DSCAML1: variants seen among roughly 807,000 people sequenced by gnomAD.
DSCAML1 encodes cell adhesion molecule DSCAML1.
In DSCAML1, 38 loss-of-function variants were observed where a neutral mutation model predicts 200.5. The ratio of observed to expected loss-of-function variants is 0.19; its 90% CI spans 0.15 to 0.25. The LOEUF is 0.25. Among genes scored for constraint, DSCAML1 ranks in the 10% least tolerant of loss-of-function variants. The pLI is 1.00. For synonymous variants in DSCAML1, 1,215 were observed against 1,165.0 expected (o/e 1.04, Z -0.87); for missense variants, 2,223 against 2,858.8 (o/e 0.78, Z 5.07).
At chr11:117,759,559 G>A (rs542806365) in intron 3 of DSCAML1, among the ~76,000 whole-genome samples, 48 of 152,190 alleles carry the variant, frequency 3.2e-4, no homozygotes, top group African/African-American at 1.2e-3. Context: ...AATGTGAGCT[G>A]GAGTTGGGAG....
intron 3 of DSCAML1, among the ~76,000 whole-genome samples, chr11:117,556,469 C>T (rs1218624543): frequency 1.3e-5 from 2 of 149,958 alleles, no homozygotes; most frequent in Non-Finnish European, 3.0e-5. Flanking sequence ...TTTCCTTTCT[C>T]GACTCACAGG....
At chr11:117,702,111 C>A (rs566482117) in intron 3 of DSCAML1, among the ~76,000 whole-genome samples, 89 of 152,338 alleles carry the variant, frequency 5.8e-4, no homozygotes, top group African/African-American at 1.9e-3. Flanking sequence ...CCCTGCGTGG[C>A]TCCCCAGTCC....
intron 3 of DSCAML1, chr11:117,610,963 C>G (rs571040646): frequency 1.3e-5 from 2 of 151,812 alleles, no homozygotes; most frequent in Non-Finnish European, 2.9e-5. Context: ...ACATTCCCAG[C>G]GTTTCTATAT....
intron 3 of DSCAML1, among the ~76,000 whole-genome samples, chr11:117,566,187 T>C (rs1032197744): frequency 6.6e-6 from 1 of 152,196 alleles, no homozygotes; most frequent in Non-Finnish European, 1.5e-5. Flanking sequence ...TAGAGTGACT[T>C]GTACAAAATT....
At chr11:117,805,910 C>T (rs2055704061) in intron 1 of DSCAML1, among the ~76,000 whole-genome samples, 1 of 152,188 alleles carries the variant, frequency 6.6e-6, no homozygotes, top group Non-Finnish European at 1.5e-5. Context: ...GGAGCATCTC[C>T]TGCAAGTGCC....
intron 3 of DSCAML1, among the ~76,000 whole-genome samples, chr11:117,641,161 T>C (rs1445697213): frequency 6.6e-6 from 1 of 152,200 alleles, no homozygotes; most frequent in East Asian, 1.9e-4. Context: ...CCAAGTACGC[T>C]GGGTCTGATC....
intron 3 of DSCAML1, among the ~76,000 whole-genome samples, chr11:117,707,396 T>G (rs905065037): frequency 5.9e-5 from 9 of 152,220 alleles, no homozygotes; most frequent in African/African-American, 1.9e-4. Flanking sequence ...CTCTCCTCTC[T>G]GCTCCTCCAT....
At chr11:117,525,357 C>G (rs2049959462) in intron 4 of DSCAML1, among the ~76,000 whole-genome samples, 1 of 151,986 alleles carries the variant, frequency 6.6e-6, no homozygotes, top group Non-Finnish European at 1.5e-5. Flanking sequence ...GAGTGACAGA[C>G]AGAGAGACAG....
chr11:117,437,530 C>T lies in DSCAML1; in HGVS notation c.4433-121G>A. ...GGATGGCAGTGGCTCCAGGAGAATA[C>T]ATGTTTGGCACAGATGGGGTGGGGA... On this transcript the variant is annotated intron_variant, in intron 25 of 32. Transcript: ENST00000651296. This position sits in a 1 kb window ranked among gnomAD's most constrained non-coding sequence, Gnocchi z 5.3. The T allele has an allele frequency of 2.4e-6, 3 of 1,231,988 alleles. No individual in the cohort carries two copies. In the South Asian group the frequency reaches 4.4e-5, roughly 18 times the overall value. The allele number at this position is 1,231,988 out of a possible 1,614,324, so 76.3% of individuals were successfully genotyped here.
At chr11:117,808,658 G>A (rs1416987474) in intron 1 of DSCAML1, among the ~76,000 whole-genome samples, 2 of 152,184 alleles carry the variant, frequency 1.3e-5, no homozygotes, top group Non-Finnish European at 1.5e-5. Flanking sequence ...GAAGGTTTAT[G>A]TTCTGTAGTT....
chr11:117,682,999 T>G (rs1340871540), intron 3 of DSCAML1, among the ~76,000 whole-genome samples: 1 of 152,228 alleles, frequency 6.6e-6, no homozygotes, highest in African/African-American at 2.4e-5. Context: ...CCTCTGCTCC[T>G]CCACAGAGGA....
chr11:117,500,014 AT>A (rs1322957963), intron 11 of DSCAML1, among the ~76,000 whole-genome samples: 14 of 152,148 alleles, frequency 9.2e-5, no homozygotes, highest in African/African-American at 3.4e-4. Flanking sequence ...AGCATCTCAC[AT>A]TTCATTCTCC....
chr11:117,781,478 A>G (rs1364938011), intron 1 of DSCAML1, among the ~76,000 whole-genome samples: 1 of 152,216 alleles, frequency 6.6e-6, no homozygotes, highest in Non-Finnish European at 1.5e-5. Context: ...TCTCAAAACC[A>G]TGCTCTGAGA....
intron 3 of DSCAML1, among the ~76,000 whole-genome samples, chr11:117,537,449 G>C (rs1025805492): frequency 6.6e-6 from 1 of 152,180 alleles, no homozygotes; most frequent in African/African-American, 2.4e-5. Context: ...AGGGGGGCTG[G>C]GCCACCAGGG....
chr11:117,777,556 G>A (rs1026204130), intron 2 of DSCAML1, among the ~76,000 whole-genome samples: 1 of 152,194 alleles, frequency 6.6e-6, no homozygotes, highest in Non-Finnish European at 1.5e-5. Flanking sequence ...TTGGGACTAC[G>A]ATTGTCTCTG....
chr11:117,794,124 A>C (rs981577548), intron 1 of DSCAML1, among the ~76,000 whole-genome samples: 5 of 149,594 alleles, frequency 3.3e-5, no homozygotes, highest in Non-Finnish European at 5.9e-5. Context: ...TCTTCCCAAG[A>C]GAGAAGAACC....
At chr11:117,456,671 CT>C (rs10661996) in intron 19 of DSCAML1, among the ~76,000 whole-genome samples, 4 of 142,126 alleles carry the variant, frequency 2.8e-5, no homozygotes, top group Non-Finnish European at 4.5e-5. Context: ...GCAGTCATTT[CT>C]TTTTTTTTTT....
intron 3 of DSCAML1, among the ~76,000 whole-genome samples, chr11:117,680,283 A>G (rs533984932): frequency 6.6e-6 from 1 of 152,252 alleles, no homozygotes; most frequent in South Asian, 2.1e-4. Flanking sequence ...AGCAGAACCC[A>G]TGCCTTCCAG....
chr11:117,723,948 C>T (rs923150856), intron 3 of DSCAML1, among the ~76,000 whole-genome samples: 6 of 152,258 alleles, frequency 3.9e-5, no homozygotes, highest in Non-Finnish European at 8.8e-5. Context: ...CCTAGACTAA[C>T]TACCCTGCTC....
Sources: allele counts gnomAD v4.1 joint callset (sites outside exome capture counted in the v4.1 genomes callset), GRCh38; gene constraint gnomAD v4.1.1; non-coding constraint Gnocchi (gnomAD v3.1); transcripts MANE v1.5; gene names NCBI Gene and HGNC (gene_info 2026-07-23, HGNC 2026-07-21).